Variants in CDS1 observed in about 807,000 individuals in gnomAD.
The protein encoded by CDS1 is phosphatidate cytidylyltransferase 1.
CDS1 carries 41 observed loss-of-function variants against 62.1 expected under a neutral mutation model. That is an observed-to-expected ratio of 0.66 (90% CI 0.51 to 0.86). CDS1 has a LOEUF of 0.86. Among genes scored for constraint, CDS1 ranks in the 40% least tolerant of loss-of-function variants. The pLI, the probability that CDS1 is intolerant of heterozygous loss-of-function variation, is 0.00. For synonymous variants in CDS1, 185 were observed against 192.6 expected, an observed-to-expected ratio of 0.96 and a Z score of 0.32; for missense variants, 470 against 550.1, an observed-to-expected ratio of 0.85 and a Z score of 1.46.
chr4:84,604,206 C>T (rs200872960), intron 1 of CDS1, 37 bp from the exon 2 acceptor site: 122 of 1,585,854 alleles, frequency 7.7e-5, no homozygotes, highest in Admixed American at 3.1e-4. Flanking sequence ...CTTTTTTAAA[C>T]GTGATTTTGC....
chr4:84,609,984 C>T (rs1292817282), intron 3 of CDS1, among the ~76,000 whole-genome samples: 1 of 151,204 alleles, frequency 6.6e-6, no homozygotes, highest in Non-Finnish European at 1.5e-5. Flanking sequence ...TGCTACTGCA[C>T]TGCAGCCTGG....
rs191518807 is a variant in CDS1 at position 84,629,622 on chromosome 4, A to G, written c.581-2197A>G. 8.5e-5 allele frequency among the ~76,000 whole-genome samples: 13 copies of G among 152,300 alleles called. 1 individual carries two copies. The East Asian group carries it at 2.5e-3, about 29-fold the overall frequency. On this transcript the variant is annotated intron_variant, in intron 5 of 12. Coordinates refer to ENST00000295887, the MANE Select transcript of CDS1 (RefSeq NM_001263.4). Reference sequence around the variant, plus strand: ...TTGGGGATCCTGCAACCAATCACCCAGGGATACTGAGAGATGACTATATTT... The same window carrying G: ...TTGGGGATCCTGCAACCAATCACCCGGGGATACTGAGAGATGACTATATTT...
In CDS1 at chr4:84,648,774, A is replaced by T. The variant is rs562310674; in HGVS notation, c.*88A>T. The T allele has an allele frequency of 7.3e-5, 98 of 1,334,372 alleles. No individual in the cohort carries two copies. In the African/African-American group the frequency reaches 1.1e-3, roughly 14 times the overall value. The allele number at this position is 1,334,372 out of a possible 1,614,324, so 82.7% of individuals were successfully genotyped here. ...TTATAAATTGTACAGAAAAATAGTT[A>T]AAAATGCAATAGGTTGAAGTTTTGG... On this transcript the variant is annotated 3_prime_UTR_variant, in exon 13 of 13. Transcript: ENST00000295887.
intron 7 of CDS1, 97 bp from the exon 8 acceptor site, chr4:84,635,167 T>G: frequency 1.5e-6 from 1 of 653,360 alleles, no homozygotes; most frequent in Non-Finnish European, 2.7e-6. Context: ...AAAGGGTTAT[T>G]CTGATGGTTC....
At chr4:84,626,227 G>A (rs755795595) in intron 5 of CDS1, among the ~76,000 whole-genome samples, 4 of 152,148 alleles carry the variant, frequency 2.6e-5, no homozygotes, top group South Asian at 4.2e-4. Context: ...CAGGCTGATC[G>A]TAGAACCCAA....
chr4:84,626,776 G>A (rs573462627), intron 5 of CDS1, among the ~76,000 whole-genome samples: 2 of 152,264 alleles, frequency 1.3e-5, no homozygotes, highest in South Asian at 4.1e-4. Flanking sequence ...TTCCCAGAGC[G>A]CAGTGCAGGC....
At chr4:84,638,847 T>TTATA (rs3840105) in intron 8 of CDS1, 77 bp from the exon 9 acceptor site, 7,554 of 298,664 alleles carry the variant, frequency 0.025, 38 homozygotes, top group East Asian at 0.033. Context: ...AGGAAATAGT[T>TTATA]TATATATATA....
At chr4:84,644,986 C>T (rs1448836020) in intron 11 of CDS1, among the ~76,000 whole-genome samples, 3 of 152,076 alleles carry the variant, frequency 2.0e-5, no homozygotes, top group Non-Finnish European at 4.4e-5. Context: ...ATTTAATTAA[C>T]GTTTGATGAA....
intron 8 of CDS1, 77 bp from the exon 9 acceptor site, chr4:84,638,847 T>TTTTA (rs1724294184): frequency 1.0e-5 from 3 of 300,012 alleles, no homozygotes; most frequent in African/African-American, 2.3e-5. Context: ...AGGAAATAGT[T>TTTTA]TATATATATA....
At chr4:84,631,966 T>C in intron 6 of CDS1, 89 bp downstream of exon 6, 1 of 808,788 alleles carries the variant, frequency 1.2e-6, no homozygotes, top group Non-Finnish European at 2.1e-6. Context: ...CAGTCGAATC[T>C]GCTAGCTGTT....
intron 5 of CDS1, among the ~76,000 whole-genome samples, chr4:84,621,486 A>G (rs1325548644): frequency 6.6e-6 from 1 of 152,234 alleles, no homozygotes; most frequent in East Asian, 1.9e-4. Context: ...TGAAATGGTA[A>G]TGGGAATTTT....
At position 84,583,443 on chromosome 4, in the gene CDS1, G is replaced by A. The variant is rs1722313784; in HGVS notation, c.42G>A (p.Arg14=). The stretch of plus-strand genomic sequence containing the variant: ...ACCGGGGAAGCTGCCCCGGCCCCAG[G>A]GAAGCGGTGTCGCCGCCACACCGCG... The part of the protein sequence containing the change: ...LRHRGSCPGP[R]EAVSPPHREG... The change falls in exon 1 of 13, where the codon AGG becomes AGA. Residue 14 remains arginine (R), a synonymous_variant. Transcript: ENST00000295887. 2 of 1,592,734 alleles carry A rather than the reference G, an allele frequency of 1.3e-6. No homozygotes were observed. Among genetic ancestry groups the A allele is most frequent in the Non-Finnish European group, 1.7e-6 (2 of 1,170,926 alleles).
chr4:84,583,170 T>C lies in CDS1; in HGVS notation c.-232T>C, dbSNP rs1015029354. 3 of 440,040 alleles carry C rather than the reference T, an allele frequency of 6.8e-6. No homozygotes were observed. The highest frequency in any genetic ancestry group is 6.3e-5 in the African/African-American group (3 of 47,750). The allele number at this position is 440,040 out of a possible 1,614,324, so 27.3% of individuals were successfully genotyped here. A position where few individuals can be genotyped will look rare whatever the true frequency, so the allele number is the denominator to read the frequency against. Reference sequence around the variant, plus strand: ...TGGCGCCCGGAGCCTGCCCGGGACCTCCGCCGGAGCCGCGCTCGCTGCAGG... The same window carrying C: ...TGGCGCCCGGAGCCTGCCCGGGACCCCCGCCGGAGCCGCGCTCGCTGCAGG... On this transcript the variant is annotated 5_prime_UTR_variant, in exon 1 of 13. Coordinates refer to ENST00000295887, the MANE Select transcript of CDS1 (RefSeq NM_001263.4).
At chr4:84,631,682 G>C in intron 5 of CDS1, 137 bp from the exon 6 acceptor site, 1 of 699,090 alleles carries the variant, frequency 1.4e-6, no homozygotes. Context: ...ATGTAAGATA[G>C]TAGGAGAGAT....
At chr4:84,585,756 A>T (rs1039458757) in intron 1 of CDS1, among the ~76,000 whole-genome samples, 2 of 152,206 alleles carry the variant, frequency 1.3e-5, no homozygotes, top group Admixed American at 1.3e-4. Context: ...TGTACTCCAG[A>T]TAATTAGCAA....
chr4:84,624,115 CA>C (rs954439030), intron 5 of CDS1, among the ~76,000 whole-genome samples: 1 of 149,842 alleles, frequency 6.7e-6, no homozygotes, highest in Non-Finnish European at 1.5e-5. Context: ...ACTAAAAATA[CA>C]AAAAAAAATT....
intron 2 of CDS1, among the ~76,000 whole-genome samples, chr4:84,608,981 A>G (rs1054406153): frequency 8.6e-5 from 13 of 152,016 alleles, no homozygotes; most frequent in Non-Finnish European, 1.5e-4. Context: ...GATCGAGACC[A>G]TCTTGGCTAA....
In CDS1 at chr4:84,604,213, T is replaced by G. The variant is rs772392384; in HGVS notation, c.118-30T>G. The G allele has an allele frequency of 1.0e-5, 16 of 1,597,152 alleles. No individual in the cohort carries two copies. The South Asian group carries it at 1.8e-4, about 18-fold the overall frequency. On this transcript the variant is annotated intron_variant, in intron 1 of 12. Transcript: ENST00000295887. Reference sequence around the variant, plus strand: ...AGCCTGTGCTTTTTTAAACGTGATTTTGCAAAGTAATTTGTCTTTTTAATT... The same window carrying G: ...AGCCTGTGCTTTTTTAAACGTGATTGTGCAAAGTAATTTGTCTTTTTAATT...
chr4:84,599,952 C>CATA (rs1455551636), intron 1 of CDS1, among the ~76,000 whole-genome samples: 2 of 152,164 alleles, frequency 1.3e-5, no homozygotes, highest in Non-Finnish European at 2.9e-5. Context: ...TTTAAAAAAA[C>CATA]TGTGATACTG....
Sources: gnomAD v4.1 joint callset for allele counts (sites outside exome capture counted in the v4.1 genomes callset) on GRCh38, gnomAD v4.1.1 for gene constraint, MANE v1.5 for transcripts, NCBI Gene and HGNC (gene_info 2026-07-23, HGNC 2026-07-21) for gene names.